PLXNC1: variants seen among roughly 807,000 people sequenced by gnomAD.
PLXNC1 encodes plexin C1.
A neutral mutation model predicts 178.2 loss-of-function variants in PLXNC1; 75 were observed. That is an observed-to-expected ratio of 0.42 (90% confidence interval 0.35 to 0.51). The LOEUF is 0.51. PLXNC1 is among the 20% of genes least tolerant of loss of function. The probability of loss-of-function intolerance (pLI) is 0.02; values close to 1 mark genes in which losing one functional copy is unlikely to be tolerated. For missense variants in PLXNC1, 1,503 were observed against 1,984.4 expected (o/e 0.76, Z 4.61); for synonymous variants, 790 against 779.9 (o/e 1.01, Z -0.22).
intron 21 of PLXNC1, among the ~76,000 whole-genome samples, chr12:94,267,511 G>A (rs1226498048): frequency 6.6e-6 from 1 of 152,076 alleles, no homozygotes; most frequent in Non-Finnish European, 1.5e-5. Flanking sequence ...GGAAAATCAT[G>A]ATTTCAGAAA....
chr12:94,160,815 A>G (rs1961357371), intron 1 of PLXNC1, among the ~76,000 whole-genome samples: 3 of 152,258 alleles, frequency 2.0e-5, no homozygotes, highest in South Asian at 2.1e-4. Flanking sequence ...ATATATTAAT[A>G]TATCGATCTA....
chr12:94,160,250 G>A (rs968155852), intron 1 of PLXNC1, among the ~76,000 whole-genome samples: 2 of 152,128 alleles, frequency 1.3e-5, no homozygotes, highest in Non-Finnish European at 2.9e-5. Flanking sequence ...TGGTGAGTGA[G>A]CCCTCAGTAA....
At chr12:94,157,242 G>C (rs1327390931) in intron 1 of PLXNC1, among the ~76,000 whole-genome samples, 1 of 152,176 alleles carries the variant, frequency 6.6e-6, no homozygotes, top group Non-Finnish European at 1.5e-5. Context: ...GCTGCAGGTG[G>C]ATTCCCTTAG....
intron 4 of PLXNC1, among the ~76,000 whole-genome samples, chr12:94,203,618 T>C (rs1963207469): frequency 6.6e-6 from 1 of 152,214 alleles, no homozygotes; most frequent in African/African-American, 2.4e-5. Context: ...AAGAGATAGA[T>C]GCCAGTGCCA....
At chr12:94,167,164 C>G (rs1961647105) in intron 1 of PLXNC1, among the ~76,000 whole-genome samples, 1 of 152,116 alleles carries the variant, frequency 6.6e-6, no homozygotes, top group African/African-American at 2.4e-5. Context: ...TTTGAGCTGC[C>G]TCTGTTTTCT....
At chr12:94,239,473 T>C (rs1391099052) in intron 10 of PLXNC1, among the ~76,000 whole-genome samples, 1 of 152,264 alleles carries the variant, frequency 6.6e-6, no homozygotes, top group African/African-American at 2.4e-5. Flanking sequence ...CTGACTCAGA[T>C]GTTTTTGAAT....
intron 22 of PLXNC1, among the ~76,000 whole-genome samples, chr12:94,281,595 A>G (rs1251916307): frequency 1.1e-5 from 1 of 92,278 alleles, no homozygotes; most frequent in Non-Finnish European, 2.2e-5. Flanking sequence ...ACTTTTAAAA[A>G]AAATTTTATA....
At position 94,208,516 on chromosome 12, in the gene PLXNC1, G is replaced by A. The variant is rs148498798; in HGVS notation, c.1440-1074G>A. Among the ~76,000 whole-genome samples the A allele has an allele frequency of 2.1e-3, 318 of 152,248 alleles. 2 individuals are homozygous for A. The highest frequency in any genetic ancestry group is 0.011 in the Admixed American group (174 of 15,290). ...TTTGGGCCCATCCATTCCTCATTCC[G>A]CTCGGATCCCCTCCGGGACTCCCCG... is the stretch of plus-strand genomic sequence containing the variant. On this transcript the variant is annotated intron_variant, in intron 4 of 30. Coordinates refer to ENST00000258526, the MANE Select transcript of PLXNC1 (RefSeq NM_005761.3).
Position 94,181,667 on chromosome 12 carries a change from T to C in PLXNC1, c.1338+87T>C, listed in dbSNP as rs1032940325. 1.0e-5 allele frequency: 12 copies of C among 1,194,036 alleles called. No individual in the cohort carries two copies. In the African/African-American group the frequency reaches 1.4e-4, roughly 14 times the overall value. The allele number at this position is 1,194,036 out of a possible 1,614,324, so 74.0% of individuals were successfully genotyped here. A position where few individuals can be genotyped will look rare whatever the true frequency, so the allele number is the denominator to read the frequency against. ...TTATCTAGTAGCAAAGCTTTTACTT[T>C]GAACTACAGAGTTTAAGCAGTGCCC... On this transcript the variant is annotated intron_variant, in intron 3 of 30. Transcript: ENST00000258526.
chr12:94,237,614 A>C, intron 9 of PLXNC1, 50 bp from the exon 10 acceptor site: 1 of 1,554,410 alleles, frequency 6.4e-7, no homozygotes, highest in Non-Finnish European at 8.8e-7. Flanking sequence ...TTTTGGAGCG[A>C]TGCCATTTCT....
At chr12:94,183,440 AC>A (rs1296297594) in intron 3 of PLXNC1, among the ~76,000 whole-genome samples, 1 of 152,174 alleles carries the variant, frequency 6.6e-6, no homozygotes, top group East Asian at 1.9e-4. Flanking sequence ...TCTTTGAAAG[AC>A]TTTTGTCTAC....
intron 1 of PLXNC1, among the ~76,000 whole-genome samples, chr12:94,158,472 C>T (rs1249496136): frequency 5.3e-5 from 8 of 152,138 alleles, no homozygotes; most frequent in East Asian, 3.8e-4. Flanking sequence ...AATTATCAAT[C>T]GGAAGCTCCC....
At position 94,297,430 on chromosome 12, in the gene PLXNC1, T is replaced by C; in HGVS notation, c.4074+7T>C. ...AAAGCTGCTGTCGACCAAGGTACAC[T>C]TACTGTTCTGGGAGCACTTTATGGC... On this transcript the variant is annotated splice_region_variant and intron_variant, in intron 26 of 30. Transcript: ENST00000258526. 6.2e-7 allele frequency: 1 copy of C among 1,600,424 alleles called. No homozygotes were observed. The highest frequency in any genetic ancestry group is 1.3e-5 in the African/African-American group (1 of 74,588).
At chr12:94,204,135 A>G (rs1451769867) in intron 4 of PLXNC1, among the ~76,000 whole-genome samples, 1 of 152,234 alleles carries the variant, frequency 6.6e-6, no homozygotes, top group African/African-American at 2.4e-5. Context: ...GTGGTATTCT[A>G]TTATAGCAAC....
At chr12:94,222,094 C>A (rs772880692) in intron 6 of PLXNC1, among the ~76,000 whole-genome samples, 2 of 152,166 alleles carry the variant, frequency 1.3e-5, no homozygotes, top group Non-Finnish European at 2.9e-5. Context: ...CTCAATTTTC[C>A]ACTTTACTTT....
intron 3 of PLXNC1, among the ~76,000 whole-genome samples, chr12:94,184,725 CTT>C (rs1171788661): frequency 3.3e-5 from 5 of 151,666 alleles, no homozygotes; most frequent in Non-Finnish European, 7.4e-5. Context: ...TGTCCTCCCT[CTT>C]ATACAGAGTT....
At chr12:94,170,490 C>G (rs1961803027) in intron 2 of PLXNC1, among the ~76,000 whole-genome samples, 1 of 152,152 alleles carries the variant, frequency 6.6e-6, no homozygotes. Flanking sequence ...TATGCTGTGG[C>G]TCAGCTCAAA....
At chr12:94,190,487 T>C (rs545870863) in intron 4 of PLXNC1, among the ~76,000 whole-genome samples, 73 of 152,244 alleles carry the variant, frequency 4.8e-4, no homozygotes, top group African/African-American at 1.7e-3. Flanking sequence ...GCAATCCTCC[T>C]TCCTGGGCCT....
At chr12:94,235,125 C>T (rs529626395) in intron 9 of PLXNC1, among the ~76,000 whole-genome samples, 1 of 152,272 alleles carries the variant, frequency 6.6e-6, no homozygotes, top group African/African-American at 2.4e-5. Flanking sequence ...TAAAAGCAGA[C>T]TGAAGCACCC....
Sources: allele counts gnomAD v4.1 joint callset (sites outside exome capture counted in the v4.1 genomes callset), GRCh38; gene constraint gnomAD v4.1.1; transcripts MANE v1.5; gene names NCBI Gene and HGNC (gene_info 2026-07-23, HGNC 2026-07-21).